The following DTNB variants were observed in gnomAD, a reference collection of about 807,000 sequenced individuals.
The protein encoded by DTNB is dystrobrevin beta, also known as DTN-B.
A neutral mutation model predicts 90.7 loss-of-function variants in DTNB; 63 were observed. That is an observed-to-expected ratio of 0.69 (90% CI 0.57 to 0.86). The LOEUF is 0.86. Among genes scored for constraint, DTNB ranks in the 40% least tolerant of loss-of-function variants. DTNB has a pLI of 0.00. For synonymous variants in DTNB, 277 were observed against 286.7 expected, an observed-to-expected ratio of 0.97 and a Z score of 0.34; for missense variants, 744 against 807.1, an observed-to-expected ratio of 0.92 and a Z score of 0.95.
In DTNB at chr2:25,419,427, C is replaced by T. The variant is rs910411115; in HGVS notation, c.1575+88G>A. On this transcript the variant is annotated intron_variant, in intron 16 of 20. Transcript: ENST00000406818. ...TAAAACCCTCTTCAGAGATGATGTG[C>T]GGGGAGAAGAGGAGAAACATTTATA... The T allele has an allele frequency of 1.4e-5, 22 of 1,535,536 alleles. 2 individuals carry two copies. In the South Asian group the frequency reaches 1.4e-4, roughly 10 times the overall value.
intron 14 of DTNB, 91 bp downstream of exon 14, chr2:25,432,795 C>A (rs1574369798): frequency 7.5e-7 from 1 of 1,327,442 alleles, no homozygotes; most frequent in African/African-American, 1.5e-5. Flanking sequence ...TTATACTGAA[C>A]AACAGATTCT....
At chr2:25,526,059 A>G (rs892645381) in intron 9 of DTNB, among the ~76,000 whole-genome samples, 1 of 152,092 alleles carries the variant, frequency 6.6e-6, no homozygotes, top group Admixed American at 6.6e-5. Context: ...TGAGCTCAGG[A>G]GCCCCAGGTG....
intron 9 of DTNB, among the ~76,000 whole-genome samples, chr2:25,494,502 T>G (rs2068354834): frequency 1.3e-5 from 2 of 149,444 alleles, no homozygotes; most frequent in African/African-American, 2.5e-5. Flanking sequence ...CGGGGGTGGT[T>G]GGGAGAGGAA....
intron 9 of DTNB, among the ~76,000 whole-genome samples, chr2:25,484,735 G>A (rs2065780797): frequency 6.6e-6 from 1 of 152,170 alleles, no homozygotes; most frequent in African/African-American, 2.4e-5. Flanking sequence ...ATGTCTCTAA[G>A]TAAGACATTT....
intron 6 of DTNB, among the ~76,000 whole-genome samples, chr2:25,587,781 A>C (rs2062732065): frequency 6.6e-6 from 1 of 152,154 alleles, no homozygotes; most frequent in African/African-American, 2.4e-5. Flanking sequence ...GTTCAATCTA[A>C]GTATGCTAGT....
intron 12 of DTNB, among the ~76,000 whole-genome samples, chr2:25,437,594 T>C (rs747107614): frequency 6.6e-6 from 1 of 152,070 alleles, no homozygotes; most frequent in Non-Finnish European, 1.5e-5. Context: ...ATAGTGCTCA[T>C]TAAGAAGAAG....
intron 19 of DTNB, among the ~76,000 whole-genome samples, chr2:25,381,740 C>T (rs2037836323): frequency 6.6e-6 from 1 of 152,228 alleles, no homozygotes; most frequent in African/African-American, 2.4e-5. Context: ...CGCTGCTGTC[C>T]ACTTCCTCCC....
intron 12 of DTNB, among the ~76,000 whole-genome samples, chr2:25,448,543 G>GATA (rs2058762121): frequency 6.6e-6 from 1 of 152,140 alleles, no homozygotes; most frequent in Non-Finnish European, 1.5e-5. Context: ...TTTTAATTGA[G>GATA]ATATAATACT....
At position 25,432,206 on chromosome 2, in the gene DTNB, T is replaced by TACACACAC. The variant is rs60610400; in HGVS notation, c.1457+672_1457+679dup. Among the ~76,000 whole-genome samples the TACACACAC allele has an allele frequency of 7.5e-3, 1,100 of 146,422 alleles. 3 individuals are homozygous for TACACACAC. The highest frequency in any genetic ancestry group is 8.8e-3 in the Admixed American group (129 of 14,686). On this transcript the variant is annotated intron_variant, in intron 14 of 20. Transcript: ENST00000406818. ...ATGTCTTAACTTACAGAAGAGTGCG[T>TACACACAC]ACACACACACACACACACACACACA...
intron 1 of DTNB, among the ~76,000 whole-genome samples, chr2:25,657,288 T>A (rs75563079): frequency 2.7e-5 from 4 of 148,440 alleles, no homozygotes; most frequent in African/African-American, 5.0e-5. Context: ...ACCCATGAAA[T>A]AAAAAAAAAA....
At chr2:25,618,716 C>A (rs1300025923) in intron 4 of DTNB, among the ~76,000 whole-genome samples, 1 of 152,126 alleles carries the variant, frequency 6.6e-6, no homozygotes, top group African/African-American at 2.4e-5. Flanking sequence ...ACAGAAGAAA[C>A]TTGTGATTTT....
intron 12 of DTNB, among the ~76,000 whole-genome samples, chr2:25,449,568 T>C (rs1258432624): frequency 1.3e-5 from 2 of 152,228 alleles, no homozygotes; most frequent in African/African-American, 4.8e-5. Flanking sequence ...TGATTAATGA[T>C]ATCAAGCACA....
Position 25,482,839 on chromosome 2 carries a change from T to C in DTNB, c.1036A>G (p.Met346Val), listed in dbSNP as rs779658231. 1.2e-6 allele frequency: 2 copies of C among 1,612,162 alleles called. No homozygotes were observed. The highest frequency in any genetic ancestry group is 1.7e-6 in the Non-Finnish European group (2 of 1,179,380). Residue 346 changes from methionine to valine, a missense_variant, in exon 10 of 21, where the codon ATG becomes GTG. By Grantham distance (21) the Met-to-Val change is conservative (BLOSUM62 1). Coordinates refer to ENST00000406818, the MANE Select transcript of DTNB (RefSeq NM_021907.5). Reference sequence around the variant, plus strand: ...ACTCCAGAGGACATGTGGCTAACCATGGTGTCATTCATATTAGTCAGAGGG... The same window carrying C: ...ACTCCAGAGGACATGTGGCTAACCACGGTGTCATTCATATTAGTCAGAGGG... ...PRPLTNMNDT[M>V]VSHMSSGVPT... is the part of the protein sequence containing the mutation.
At chr2:25,590,766 C>T (rs1303885178) in intron 6 of DTNB, among the ~76,000 whole-genome samples, 2 of 152,212 alleles carry the variant, frequency 1.3e-5, no homozygotes, top group East Asian at 3.9e-4. Flanking sequence ...AAAAGCACCA[C>T]AAGTTCCCAC....
At chr2:25,401,650 C>A (rs966184903) in intron 16 of DTNB, among the ~76,000 whole-genome samples, 1 of 152,240 alleles carries the variant, frequency 6.6e-6, no homozygotes, top group Non-Finnish European at 1.5e-5. Flanking sequence ...AATTTTTAAT[C>A]CTCCTGGCAC....
At chr2:25,622,754 A>C (rs1457330048) in intron 4 of DTNB, among the ~76,000 whole-genome samples, 1 of 152,210 alleles carries the variant, frequency 6.6e-6, no homozygotes, top group African/African-American at 2.4e-5. Flanking sequence ...TAGAAAAACA[A>C]AACAAAACAG....
chr2:25,562,152 C>T (rs1452703295), intron 8 of DTNB, among the ~76,000 whole-genome samples: 1 of 152,174 alleles, frequency 6.6e-6, no homozygotes, highest in African/African-American at 2.4e-5. Flanking sequence ...TGCATTTGCC[C>T]ATTCTGTACA....
Position 25,580,807 on chromosome 2 carries a change from A to G in DTNB, c.623T>C (p.Met208Thr), listed in dbSNP as rs764271316. 3.1e-6 allele frequency: 5 copies of G among 1,612,982 alleles called. No individual in the cohort carries two copies. The South Asian group carries it at 4.4e-5, about 14-fold the overall frequency. The change falls in exon 7 of 21, where the codon ATG becomes ACG. Residue 208 changes from methionine (M) to threonine (T), a missense_variant. Met to Thr is a moderately conservative substitution (Grantham distance 81). Transcript: ENST00000406818. ...GTCAGCCATCATTGTGTCTAAAAAC[A>G]TATTTAGCATTATCTTTCTCTGTAA... ...FPQQRKIMLN[M>T]FLDTMMADPP...
intron 3 of DTNB, among the ~76,000 whole-genome samples, chr2:25,631,322 C>T (rs560722807): frequency 1.3e-5 from 2 of 152,150 alleles, no homozygotes; most frequent in South Asian, 4.1e-4. Context: ...GGTGCAGCGG[C>T]TCATGTCTGT....
Sources: gnomAD v4.1 joint callset for allele counts (sites outside exome capture counted in the v4.1 genomes callset) on GRCh38, gnomAD v4.1.1 for gene constraint, MANE v1.5 for transcripts, NCBI Gene and HGNC (gene_info 2026-07-23, HGNC 2026-07-21) for gene names.